Variants in NHSL2 observed in about 807,000 individuals in gnomAD.
The protein encoded by NHSL2 is NHS-like protein 2.
Under a neutral mutation model 53.4 loss-of-function variants are expected in NHSL2, and 27 were observed. The observed-to-expected ratio is 0.51, with a 90% confidence interval of 0.37 to 0.70. The LOEUF (loss-of-function observed/expected upper bound fraction) is 0.70, where lower values mean the gene tolerates loss of function less well. Among genes scored for constraint, NHSL2 ranks in the 30% least tolerant of loss-of-function variants. The pLI is 0.00. For missense variants in NHSL2, 892 were observed against 980.1 expected (o/e 0.91, Z 1.20); for synonymous variants, 408 against 404.1 (o/e 1.01, Z -0.12).
chrX:71,994,965 T>C (rs893851012), intron 1 of NHSL2, among the ~76,000 whole-genome samples: 2 of 111,467 alleles, frequency 1.8e-5, no homozygotes, highest in African/African-American at 6.5e-5. Context: ...GGGCATCTCA[T>C]AGGCATCTCA....
intron 1 of NHSL2, among the ~76,000 whole-genome samples, chrX:72,105,975 T>C (rs111997647): frequency 0.42 from 46,065 of 110,222 alleles, 9,916 homozygotes; most frequent in African/African-American, 0.82. Flanking sequence ...TTTGGGAGGC[T>C]GAGGCGGGCA....
At chrX:72,107,643 C>T (rs1397349425) in intron 1 of NHSL2, among the ~76,000 whole-genome samples, 1 of 112,076 alleles carries the variant, frequency 8.9e-6, no homozygotes, top group Admixed American at 9.4e-5. Flanking sequence ...AGACAGAAGA[C>T]AGAGTCCCGG....
At chrX:72,001,278 C>G (rs2042071671) in intron 1 of NHSL2, among the ~76,000 whole-genome samples, 2 of 111,868 alleles carry the variant, frequency 1.8e-5, no homozygotes, top group African/African-American at 6.5e-5. Context: ...TATATGGTGC[C>G]AGAGCCCTCC....
At chrX:71,921,345 G>T (rs1489315675) in intron 1 of NHSL2, among the ~76,000 whole-genome samples, 1 of 106,819 alleles carries the variant, frequency 9.4e-6, no homozygotes, top group African/African-American at 3.4e-5. Flanking sequence ...ACTTGAACCC[G>T]GGAGGTGGAG....
At chrX:72,132,339 G>A in intron 2 of NHSL2, 105 bp downstream of exon 2, 1 of 733,355 alleles carries the variant, frequency 1.4e-6, no homozygotes, top group Non-Finnish European at 1.9e-6. Context: ...GATAAAGACA[G>A]AGAGTTTAAA....
chrX:72,086,370 G>C (rs2041844237), intron 1 of NHSL2, among the ~76,000 whole-genome samples: 1 of 112,008 alleles, frequency 8.9e-6, no homozygotes. Flanking sequence ...AGGCGCAGGG[G>C]TCGGCTTTCT....
Position 72,139,810 on chromosome X carries a change from A to G in NHSL2, c.2262A>G (p.Ser754=), listed in dbSNP as rs1385243551. 20 of 1,210,411 alleles carry G rather than the reference A, an allele frequency of 1.7e-5. No homozygotes were observed. The highest frequency in any genetic ancestry group is 3.0e-5 in the East Asian group (1 of 33,806). Residue 754 remains serine, a synonymous_variant, in exon 6 of 8, where the codon TCA becomes TCG. Coordinates refer to ENST00000633930, the MANE Select transcript of NHSL2 (RefSeq NM_001013627.3). ...CAGTGGTACCTGAGAGGAAGTCATC[A>G]CTACCCCCGACGTCACCAATGGAGA... ...VRPVVPERKS[S]LPPTSPMEKF...
chrX:72,063,027 G>A (rs1247425963), intron 1 of NHSL2, among the ~76,000 whole-genome samples: 1 of 110,971 alleles, frequency 9.0e-6, no homozygotes, highest in African/African-American at 3.3e-5. Context: ...AGAGCCTCCC[G>A]CCAGCACTCT....
chrX:71,946,046 G>T (rs1424697702), intron 1 of NHSL2, among the ~76,000 whole-genome samples: 2 of 112,272 alleles, frequency 1.8e-5, no homozygotes, highest in African/African-American at 6.5e-5. Context: ...CTGTGAATAA[G>T]ATCGGCTCAT....
chrX:72,049,472 A>C (rs1275155498), intron 1 of NHSL2, among the ~76,000 whole-genome samples: 2 of 110,809 alleles, frequency 1.8e-5, no homozygotes, highest in Non-Finnish European at 3.8e-5. Context: ...GAGGCACCTT[A>C]TGAATTCCCA....
At chrX:71,944,834 C>T (rs966578483) in intron 1 of NHSL2, among the ~76,000 whole-genome samples, 1 of 112,015 alleles carries the variant, frequency 8.9e-6, no homozygotes, top group Admixed American at 9.5e-5. Flanking sequence ...ATAGAAACAA[C>T]CCAAACAGCC....
At chrX:71,941,301 T>C (rs905188931) in intron 1 of NHSL2, among the ~76,000 whole-genome samples, 2 of 112,041 alleles carry the variant, frequency 1.8e-5, no homozygotes, top group Admixed American at 1.9e-4. Flanking sequence ...ATTGTATTCA[T>C]GTTTGACTGA....
At chrX:72,080,678 TTCCATCTCATTCAA>T (rs758500444) in intron 1 of NHSL2, among the ~76,000 whole-genome samples, 61 of 110,190 alleles carry the variant, frequency 5.5e-4, no homozygotes, top group Non-Finnish European at 9.5e-4. Context: ...TGGTAGAAAA[TTCCATCTCATTCAA>T]TCCATCTCAT....
At chrX:71,911,796 G>C (rs1039690529) in intron 1 of NHSL2, among the ~76,000 whole-genome samples, 3 of 112,943 alleles carry the variant, frequency 2.7e-5, no homozygotes, top group Admixed American at 1.8e-4. Flanking sequence ...CTAGGAGCTC[G>C]GCCACTTCAG....
chrX:71,925,367 C>T (rs1006947579), intron 1 of NHSL2, among the ~76,000 whole-genome samples: 1 of 110,182 alleles, frequency 9.1e-6, no homozygotes, highest in Admixed American at 9.6e-5. Context: ...AGTAAGTGCT[C>T]AATACATATT....
chrX:72,005,747 T>G (rs2042091690), intron 1 of NHSL2, among the ~76,000 whole-genome samples: 1 of 111,783 alleles, frequency 8.9e-6, no homozygotes, highest in Non-Finnish European at 1.9e-5. Flanking sequence ...GTGGCTGGAT[T>G]AGGCCCAGAA....
At chrX:71,943,462 G>C (rs1406912616) in intron 1 of NHSL2, among the ~76,000 whole-genome samples, 2 of 112,870 alleles carry the variant, frequency 1.8e-5, no homozygotes, top group African/African-American at 6.4e-5. Flanking sequence ...CAGCCTAACA[G>C]TATCTGCACA....
intron 1 of NHSL2, among the ~76,000 whole-genome samples, chrX:71,969,648 G>C (rs1049449249): frequency 2.2e-4 from 25 of 112,510 alleles, no homozygotes; most frequent in Non-Finnish European, 4.5e-4. Context: ...CAAACTTGTT[G>C]AATTTGTTTA....
At chrX:71,977,991 C>G (rs1212584842) in intron 1 of NHSL2, among the ~76,000 whole-genome samples, 1 of 111,067 alleles carries the variant, frequency 9.0e-6, no homozygotes. Flanking sequence ...GCTACTTACT[C>G]TCTGTGTGGC....
Sources: allele counts gnomAD v4.1 joint callset (sites outside exome capture counted in the v4.1 genomes callset), GRCh38; gene constraint gnomAD v4.1.1; transcripts MANE v1.5; gene names NCBI Gene and HGNC (gene_info 2026-07-23, HGNC 2026-07-21).